Variants in FAM153A observed in about 807,000 individuals in gnomAD.
FAM153A encodes the protein family with sequence similarity 153 member A.
FAM153A carries 12 observed loss-of-function variants against 48.1 expected under a neutral mutation model. That is an observed-to-expected ratio of 0.25 (90% CI 0.16 to 0.40). The LOEUF (loss-of-function observed/expected upper bound fraction) is 0.40. Ranked by LOEUF, FAM153A falls within the 10% of genes least tolerant of loss-of-function variation. The pLI, the probability that FAM153A is intolerant of heterozygous loss-of-function variation, is 1.00. For missense variants in FAM153A, 111 were observed against 345.8 expected (o/e 0.32, Z 5.38); for synonymous variants, 36 against 118.2 (o/e 0.30, Z 4.51).
At chr5:177,746,472 CG>C (rs1386176239) in intron 4 of FAM153A, among the ~76,000 whole-genome samples, 1 of 149,898 alleles carries the variant, frequency 6.7e-6, no homozygotes, top group Non-Finnish European at 1.5e-5. Flanking sequence ...ACATTTTGTA[CG>C]AGGTAAAAAG....
chr5:177,705,018 T>C (rs1439612312), downstream of FAM153A, among the ~76,000 whole-genome samples: 3 of 149,258 alleles, frequency 2.0e-5, no homozygotes, highest in South Asian at 4.2e-4. Context: ...AAAAAAATTA[T>C]ATAGACTGGG....
exon 27 of FAM153A, chr5:177,712,079 CAG>C (rs1758570010): frequency 6.6e-6 from 1 of 151,856 alleles, no homozygotes; most frequent in African/African-American, 2.4e-5. Flanking sequence ...CTAAACTAGA[CAG>C]AAAATTCTTA....
intron 1 of FAM153A, among the ~76,000 whole-genome samples, chr5:177,778,280 A>G (rs1769392497): frequency 1.2e-5 from 1 of 86,338 alleles, no homozygotes; most frequent in South Asian, 4.4e-4. Context: ...AAAAAAAAAA[A>G]AAAAAGAAAT....
In FAM153A at chr5:177,712,604, A is replaced by T. The variant is rs566283180; in HGVS notation, c.*1958T>A. On this transcript the variant is annotated 3_prime_UTR_variant and NMD_transcript_variant, in exon 27 of 27. Transcript: ENST00000360669. ...CTCAAGGCTGGTATACCACGTGGTT[A>T]CTGATTGAGAAATGTACATCACTGG... 1.2e-3 allele frequency: 180 copies of T among 151,854 alleles called. 1 individual carries two copies. The highest frequency in any genetic ancestry group is 4.2e-3 in the African/African-American group (174 of 41,238). The allele number at this position is 151,854 out of a possible 1,614,324, so 9.4% of individuals were successfully genotyped here.
the FAM153A span, among the ~76,000 whole-genome samples, chr5:177,695,746 G>T: frequency 6.6e-6 from 1 of 151,550 alleles, no homozygotes; most frequent in Admixed American, 6.6e-5. Context: ...CATCATCATG[G>T]CCTGTTCTTG....
the FAM153A span, among the ~76,000 whole-genome samples, chr5:177,699,703 T>C: frequency 6.6e-6 from 1 of 152,182 alleles, no homozygotes; most frequent in Non-Finnish European, 1.5e-5. Context: ...AGATATTGAA[T>C]TAGTAATAAA....
downstream of FAM153A, chr5:177,707,861 G>A (rs139423142): frequency 0.02 from 3,001 of 152,034 alleles, 45 homozygotes; most frequent in Non-Finnish European, 0.033. Flanking sequence ...ACACCCAGCC[G>A]ATTAGATAGG....
intron 1 of FAM153A, among the ~76,000 whole-genome samples, chr5:177,760,136 CAT>C (rs201173999): frequency 6.9e-6 from 1 of 144,276 alleles, no homozygotes. Flanking sequence ...CAGGTGTGCA[CAT>C]ATATATATAT....
chr5:177,779,086 G>A (rs1390397853), intron 1 of FAM153A, among the ~76,000 whole-genome samples: 1 of 151,426 alleles, frequency 6.6e-6, no homozygotes, highest in African/African-American at 2.4e-5. Flanking sequence ...TATAACTACT[G>A]ATCATAGAGT....
At chr5:177,723,275 A>T (rs555137421), downstream of FAM153A, 1 of 125,720 alleles carries the variant, frequency 8.0e-6, no homozygotes, top group Non-Finnish European at 1.8e-5. Context: ...ATGTTTGTAT[A>T]TTCTAGCATA....
chr5:177,747,511 A>G lies in FAM153A; in HGVS notation c.259+258T>C. On this transcript the variant is annotated intron_variant, in intron 4 of 20. Transcript: ENST00000614127. ...AGACATTCACAATCATTCCACATTG[A>G]GTCATTCCTCCATACCTCCCAACTC... 5 of 491,632 alleles carry G rather than the reference A, an allele frequency of 1.0e-5. 1 individual carries two copies. The highest frequency in any genetic ancestry group is 7.0e-5 in the South Asian group (3 of 42,624). 30.5% of individuals were successfully genotyped at this position (491,632 alleles called of 1,614,324 possible).
downstream of FAM153A, among the ~76,000 whole-genome samples, chr5:177,719,472 A>C (rs1231136874): frequency 1.3e-5 from 2 of 151,144 alleles, no homozygotes; most frequent in African/African-American, 4.9e-5. Context: ...AAAGGGAGGG[A>C]GGACACTGCA....
upstream of FAM153A, among the ~76,000 whole-genome samples, chr5:177,755,183 C>G (rs1329066640): frequency 6.6e-6 from 1 of 151,760 alleles, no homozygotes; most frequent in African/African-American, 2.4e-5. Context: ...AACTATGTGA[C>G]AAATGCACAA....
chr5:177,729,691 C>T, intron 16 of FAM153A, 136 bp from the exon 19 acceptor site: 1 of 1,539,072 alleles, frequency 6.5e-7, no homozygotes, highest in Non-Finnish European at 8.8e-7. Flanking sequence ...CCGGTCCATC[C>T]TCCGTGGTGG....
the FAM153A span, among the ~76,000 whole-genome samples, chr5:177,697,263 A>T: frequency 2.0e-5 from 3 of 151,596 alleles, no homozygotes; most frequent in African/African-American, 7.3e-5. Flanking sequence ...CATTGCTGGT[A>T]TATAGAAAAA....
At position 177,746,550 on chromosome 5, in the gene FAM153A, TTCAAAGA is replaced by T. The variant is rs1483917400; in HGVS notation, c.259+1212_259+1218del. ...TTCTACATATTCACTAACCTTTTGT[TTCAAAGA>T]AGACTAAACCAAGATTTGAAAATAC... On this transcript the variant is annotated intron_variant, in intron 4 of 20. Coordinates refer to ENST00000614127, the Ensembl canonical transcript of FAM153A. Among the ~76,000 whole-genome samples the T allele has an allele frequency of 6.6e-5, 10 of 151,586 alleles. 1 individual carries two copies. The highest frequency in any genetic ancestry group is 1.3e-4 in the Non-Finnish European group (9 of 68,030).
At chr5:177,746,513 C>T in intron 4 of FAM153A, among the ~76,000 whole-genome samples, 1 of 151,196 alleles carries the variant, frequency 6.6e-6, no homozygotes, top group Middle Eastern at 3.2e-3. Context: ...TGATATAATT[C>T]TAGCCAAAAT....
At chr5:177,729,578 G>A (rs749721378) in intron 16 of FAM153A, 23 bp from the exon 19 acceptor site, 7 of 1,608,006 alleles carry the variant, frequency 4.4e-6, no homozygotes, top group Non-Finnish European at 4.2e-6. Flanking sequence ...GTCGCTATAA[G>A]CACATGAGCT....
At chr5:177,755,612 G>A (rs1767649722), upstream of FAM153A, among the ~76,000 whole-genome samples, 1 of 151,792 alleles carries the variant, frequency 6.6e-6, no homozygotes, top group South Asian at 2.1e-4. Context: ...ACAAAGGGAA[G>A]CCCATCAGAC....
Sources: gnomAD v4.1 joint callset for allele counts (sites outside exome capture counted in the v4.1 genomes callset) on GRCh38, gnomAD v4.1.1 for gene constraint, MANE v1.5 for transcripts, NCBI Gene and HGNC (gene_info 2026-07-23, HGNC 2026-07-21) for gene names.